SPEF2: variants seen among roughly 807,000 people sequenced by gnomAD.
SPEF2 encodes the protein sperm flagellar and cilia associated 2.
In SPEF2, 187 loss-of-function variants were observed where a neutral mutation model predicts 224.6. That is an observed-to-expected ratio of 0.83 (90% CI 0.74 to 0.94). The LOEUF (loss-of-function observed/expected upper bound fraction) is 0.94. Among genes scored for constraint, SPEF2 ranks in the 40% least tolerant of loss-of-function variants. The pLI is 0.00. For synonymous variants in SPEF2, 715 were observed against 707.3 expected (o/e 1.01, Z -0.17); for missense variants, 2,170 against 2,135.6 (o/e 1.02, Z -0.32).
intron 12 of SPEF2, 89 bp from the exon 13 acceptor site, chr5:35,694,199 C>T: frequency 1.0e-6 from 1 of 985,964 alleles, no homozygotes; most frequent in Non-Finnish European, 1.5e-6. Flanking sequence ...TATTTGTTCT[C>T]AAACCTTTAC....
intron 26 of SPEF2, among the ~76,000 whole-genome samples, chr5:35,769,997 G>C (rs1369260257): frequency 0.037 from 5,042 of 137,636 alleles, 262 homozygotes; most frequent in African/African-American, 0.12. Context: ...TAATGTGTGT[G>C]TGTGTGTGTG....
At chr5:35,653,005 T>C (rs1047730772) in intron 6 of SPEF2, among the ~76,000 whole-genome samples, 4 of 152,194 alleles carry the variant, frequency 2.6e-5, no homozygotes, top group African/African-American at 9.6e-5. Flanking sequence ...AACATTATGG[T>C]ATATCTTGTA....
intron 26 of SPEF2, among the ~76,000 whole-genome samples, chr5:35,765,096 G>A (rs995770903): frequency 1.3e-5 from 2 of 152,012 alleles, no homozygotes; most frequent in Non-Finnish European, 2.9e-5. Flanking sequence ...CCAACATACT[G>A]CCTTTTTAGG....
intron 16 of SPEF2, chr5:35,702,467 C>T (rs780649122): frequency 4.2e-5 from 16 of 380,584 alleles, no homozygotes; most frequent in Non-Finnish European, 7.9e-5. Context: ...TGAGACAGAA[C>T]AGTAATGTTC....
rs1753980344 is a variant in SPEF2, at chr5:35,779,101, A to G, written c.4218-16A>G. ...ATCTTTCATGGGGTTAACGCTATCC[A>G]TTTTACCACTTTCAGTACAGAAAAA... On this transcript the variant is annotated splice_polypyrimidine_tract_variant and intron_variant, in intron 29 of 36. Coordinates refer to ENST00000356031, the MANE Select transcript of SPEF2 (RefSeq NM_024867.4). The G allele has an allele frequency of 6.3e-7, 1 of 1,597,386 alleles. No homozygotes were observed. The highest frequency in any genetic ancestry group is 8.6e-7 in the Non-Finnish European group (1 of 1,168,440).
chr5:35,802,418 G>A (rs1255745779), intron 34 of SPEF2, among the ~76,000 whole-genome samples: 1 of 152,086 alleles, frequency 6.6e-6, no homozygotes, highest in African/African-American at 2.4e-5. Flanking sequence ...GACCACTCTC[G>A]ATTCGGGGGT....
chr5:35,623,441 T>C (rs1743800734), intron 1 of SPEF2, among the ~76,000 whole-genome samples: 1 of 152,246 alleles, frequency 6.6e-6, no homozygotes. Flanking sequence ...TAAAATGGTA[T>C]GGGTCTGCAG....
intron 2 of SPEF2, 54 bp from the exon 3 acceptor site, chr5:35,641,373 GTTGT>G: frequency 5.3e-6 from 8 of 1,518,190 alleles, no homozygotes; most frequent in Non-Finnish European, 7.2e-6. Flanking sequence ...TCTGATATTT[GTTGT>G]TTGTCTTTAA....
At chr5:35,650,150 A>G (rs1485091571) in intron 6 of SPEF2, among the ~76,000 whole-genome samples, 1 of 152,264 alleles carries the variant, frequency 6.6e-6, no homozygotes, top group East Asian at 1.9e-4. Context: ...CTTCAGTTTC[A>G]TATTAAAATT....
rs373221378 is a variant in SPEF2, at chr5:35,707,324, A to T, written c.2665+1516A>T. ...TCTGGCAGCATATATATACTTGATG[A>T]TGGGGAAGGAGATAGGACTTAAAGA... On this transcript the variant is annotated intron_variant, in intron 18 of 36. Coordinates refer to ENST00000356031, the MANE Select transcript of SPEF2 (RefSeq NM_024867.4). Among the ~76,000 whole-genome samples the T allele has an allele frequency of 2.0e-5, 3 of 152,310 alleles. No homozygotes were observed. The East Asian group carries it at 5.8e-4, about 29-fold the overall frequency.
At chr5:35,780,652 C>G (rs903209916) in intron 30 of SPEF2, among the ~76,000 whole-genome samples, 1 of 152,194 alleles carries the variant, frequency 6.6e-6, no homozygotes, top group East Asian at 1.9e-4. Context: ...TTATGTACTT[C>G]CCTCTTCAGA....
At chr5:35,650,685 A>G (rs573256918) in intron 6 of SPEF2, among the ~76,000 whole-genome samples, 1 of 152,260 alleles carries the variant, frequency 6.6e-6, no homozygotes, top group South Asian at 2.1e-4. Context: ...GCCCTGCACC[A>G]GTATCCATGT....
intron 36 of SPEF2, among the ~76,000 whole-genome samples, chr5:35,811,940 A>G (rs924792840): frequency 1.3e-5 from 2 of 151,632 alleles, no homozygotes; most frequent in African/African-American, 4.9e-5. Flanking sequence ...GCCTGCCACC[A>G]CGCCCGACTA....
chr5:35,772,362 A>G (rs10068174), intron 27 of SPEF2, among the ~76,000 whole-genome samples: 2,934 of 152,290 alleles, frequency 0.019, 115 homozygotes, highest in African/African-American at 0.068. Context: ...TACACCTGCT[A>G]TGTGAAATGC....
Position 35,814,602 on chromosome 5 carries a change from T to C in SPEF2, c.*49T>C. 2 of 1,240,298 alleles carry C rather than the reference T, an allele frequency of 1.6e-6. No homozygotes were observed. Among genetic ancestry groups the C allele is most frequent in the Non-Finnish European group, 2.3e-6 (2 of 864,682 alleles). The allele number at this position is 1,240,298 out of a possible 1,614,324, so 76.8% of individuals were successfully genotyped here. ...AATTCTGCAATAAATCTTCCAAAAA[T>C]TAAATGTGACCATGGTGTTTGTCAT... On this transcript the variant is annotated 3_prime_UTR_variant, in exon 37 of 37. Coordinates refer to ENST00000356031, the MANE Select transcript of SPEF2 (RefSeq NM_024867.4).
intron 18 of SPEF2, among the ~76,000 whole-genome samples, chr5:35,706,494 T>C (rs906088758): frequency 6.6e-6 from 1 of 152,086 alleles, no homozygotes; most frequent in Non-Finnish European, 1.5e-5. Context: ...CATATTTCCA[T>C]TGGGATTTTG....
In SPEF2 at chr5:35,719,852, C is replaced by A. The variant is rs140894051; in HGVS notation, c.2914+6966C>A. On this transcript the variant is annotated intron_variant, in intron 20 of 36. Transcript: ENST00000356031. ...GGCCAGGCTGGTCTGGAACCACTGA[C>A]CTCATGGTCCACCCATCTCGGCTTC... 1.4e-4 allele frequency among the ~76,000 whole-genome samples: 21 copies of A among 152,246 alleles called. No homozygotes were observed. In the East Asian group the frequency reaches 4.1e-3, roughly 29 times the overall value.
intron 25 of SPEF2, 135 bp from the exon 26 acceptor site, chr5:35,763,387 A>T: frequency 2.4e-6 from 2 of 837,852 alleles, no homozygotes; most frequent in Non-Finnish European, 3.5e-6. Flanking sequence ...TTTCTCCATT[A>T]AAATAATTCT....
intron 10 of SPEF2, chr5:35,684,192 C>T (rs1219326044): frequency 1.3e-5 from 2 of 152,154 alleles, no homozygotes; most frequent in South Asian, 2.1e-4. Context: ...TGTAGTTAAA[C>T]TAATAACCAT....
Sources: allele counts gnomAD v4.1 joint callset (sites outside exome capture counted in the v4.1 genomes callset), GRCh38; gene constraint gnomAD v4.1.1; transcripts MANE v1.5; gene names NCBI Gene and HGNC (gene_info 2026-07-23, HGNC 2026-07-21).